The following FRMD4A variants were observed in gnomAD, a reference collection of about 807,000 sequenced individuals.
FRMD4A encodes FERM domain-containing protein 4A.
In FRMD4A, 29 loss-of-function variants were observed where a neutral mutation model predicts 129.1. That is an observed-to-expected ratio of 0.22 (90% CI 0.17 to 0.31). The LOEUF (loss-of-function observed/expected upper bound fraction) is 0.31. Among genes scored for constraint, FRMD4A ranks in the 10% least tolerant of loss-of-function variants. The probability of loss-of-function intolerance (pLI) is 1.00; values close to 1 mark genes in which losing one functional copy is unlikely to be tolerated. For missense variants in FRMD4A, 1,272 were observed against 1,375.8 expected, an observed-to-expected ratio of 0.92 and a Z score of 1.19; for synonymous variants, 634 against 571.6, an observed-to-expected ratio of 1.11 and a Z score of -1.56.
intron 2 of FRMD4A, among the ~76,000 whole-genome samples, chr10:14,033,751 C>T (rs1283518763): frequency 6.6e-6 from 1 of 151,048 alleles, no homozygotes; most frequent in Non-Finnish European, 1.5e-5. Flanking sequence ...TGTCATTGCC[C>T]TCCAGCCTGA....
intron 15 of FRMD4A, among the ~76,000 whole-genome samples, chr10:13,683,386 A>G (rs1250257830): frequency 1.3e-5 from 2 of 151,824 alleles, no homozygotes; most frequent in Non-Finnish European, 2.9e-5. Flanking sequence ...GGAGTTTGAG[A>G]CTATCCTGGG....
chr10:14,291,016 A>G (rs1191394384), intron 2 of FRMD4A, among the ~76,000 whole-genome samples: 3 of 152,148 alleles, frequency 2.0e-5, no homozygotes, highest in South Asian at 2.1e-4. Context: ...GAGAAATAAA[A>G]TGAAAAAACC....
chr10:13,791,493 A>G lies in FRMD4A; in HGVS notation c.299+5003T>C, dbSNP rs73595134. On this transcript the variant is annotated intron_variant, in intron 5 of 24. Transcript: ENST00000357447. The stretch of plus-strand genomic sequence containing the variant: ...AGAGAGAGAGAAAGTGTGAGCAGCA[A>G]AGGGAGGTGTGGTCCAGGGTCAGGA... 7.5e-3 allele frequency among the ~76,000 whole-genome samples: 1,142 copies of G among 151,996 alleles called. 16 individuals carry two copies. The highest frequency in any genetic ancestry group is 0.026 in the African/African-American group (1,083 of 41,454).
At chr10:13,710,645 G>A (rs1235595467) in intron 12 of FRMD4A, 1 of 152,286 alleles carries the variant, frequency 6.6e-6, no homozygotes, top group Non-Finnish European at 1.5e-5. Context: ...TGCAATCCTG[G>A]GAAGGAAGGG....
rs909357253 is a variant in FRMD4A, at chr10:13,892,582, A to AT, written c.46-33671dup. Among the ~76,000 whole-genome samples the AT allele has an allele frequency of 2.2e-4, 33 of 151,984 alleles. 1 individual carries two copies. The highest frequency in any genetic ancestry group is 5.2e-4 in the Admixed American group (8 of 15,266). ...AGGAGCTCAATTTGCTCTTAGACAC[A>AT]TTTTTTTTCATGAATTGTCAAAACA... On this transcript the variant is annotated intron_variant, in intron 2 of 24. Coordinates refer to ENST00000357447, the MANE Select transcript of FRMD4A (RefSeq NM_018027.5).
chr10:13,975,460 TTGTC>T (rs1356122646), intron 2 of FRMD4A, among the ~76,000 whole-genome samples: 1 of 151,818 alleles, frequency 6.6e-6, no homozygotes, highest in African/African-American at 2.4e-5. Flanking sequence ...GTGTGTCTGT[TTGTC>T]TATTATGTGT....
intron 2 of FRMD4A, among the ~76,000 whole-genome samples, chr10:14,156,136 C>T (rs1039608665): frequency 7.2e-5 from 11 of 152,272 alleles, no homozygotes; most frequent in Admixed American, 3.3e-4. Flanking sequence ...AATGTCCACT[C>T]ACAAGACAAC....
rs546293567 is a variant in FRMD4A at position 14,304,586 on chromosome 10, T to A, written c.45+25472A>T. ...TCGAGGAGGTGCCATTTCTCTCCTG[T>A]GGCCTGGGAGCACGCTGAGTCTGGC... On this transcript the variant is annotated intron_variant, in intron 2 of 24. Transcript: ENST00000357447. Among the ~76,000 whole-genome samples the A allele has an allele frequency of 4.6e-5, 7 of 152,334 alleles. No individual in the cohort carries two copies. The East Asian group carries it at 1.3e-3, about 29-fold the overall frequency.
chr10:14,129,549 C>T (rs139123825), intron 2 of FRMD4A, among the ~76,000 whole-genome samples: 1,676 of 151,794 alleles, frequency 0.011, 24 homozygotes, highest in African/African-American at 0.038. Flanking sequence ...GGAAAAAAAA[C>T]CTCCAGGTGG....
chr10:14,217,074 C>G (rs547443085), intron 2 of FRMD4A, among the ~76,000 whole-genome samples: 1 of 152,338 alleles, frequency 6.6e-6, no homozygotes, highest in East Asian at 1.9e-4. Context: ...TCAAGATCAC[C>G]TTCACTTCTC....
At chr10:13,732,207 T>C (rs1466988953) in intron 12 of FRMD4A, among the ~76,000 whole-genome samples, 4 of 152,078 alleles carry the variant, frequency 2.6e-5, no homozygotes, top group Non-Finnish European at 5.9e-5. Context: ...GAGGGCAGAC[T>C]CTGAAACTAG....
chr10:14,021,728 G>A (rs1832765324), intron 2 of FRMD4A, among the ~76,000 whole-genome samples: 1 of 152,142 alleles, frequency 6.6e-6, no homozygotes, highest in African/African-American at 2.4e-5. Context: ...TACACAGGGT[G>A]TTCATGTTGT....
chr10:13,684,476 C>T (rs1046629008), intron 15 of FRMD4A: 1 of 985,264 alleles, frequency 1.0e-6, no homozygotes, highest in African/African-American at 1.7e-5. Flanking sequence ...CCGGGGACAG[C>T]TGGGTGTGGA....
intron 2 of FRMD4A, among the ~76,000 whole-genome samples, chr10:14,025,721 T>C (rs1325733845): frequency 6.6e-6 from 1 of 152,194 alleles, no homozygotes; most frequent in Admixed American, 6.5e-5. Flanking sequence ...CCATCATCAT[T>C]CTACTTAGTG....
intron 2 of FRMD4A, among the ~76,000 whole-genome samples, chr10:13,934,270 T>A (rs2095229819): frequency 6.6e-6 from 1 of 152,206 alleles, no homozygotes; most frequent in African/African-American, 2.4e-5. Context: ...CAGGTTCTAG[T>A]GAGGTGTAGA....
chr10:13,811,945 C>T (rs956191293), intron 3 of FRMD4A, among the ~76,000 whole-genome samples: 4 of 143,362 alleles, frequency 2.8e-5, no homozygotes, highest in Non-Finnish European at 6.0e-5. Flanking sequence ...TGCAGTAGTG[C>T]GATCTTGGCT....
chr10:14,159,011 G>A (rs1296421596), intron 2 of FRMD4A, among the ~76,000 whole-genome samples: 1 of 152,170 alleles, frequency 6.6e-6, no homozygotes, highest in Non-Finnish European at 1.5e-5. Flanking sequence ...GTATATAAAG[G>A]CAAGTTGTTG....
intron 2 of FRMD4A, among the ~76,000 whole-genome samples, chr10:13,928,249 C>T (rs552074919): frequency 2.3e-4 from 35 of 152,102 alleles, no homozygotes; most frequent in South Asian, 2.3e-3. Flanking sequence ...CTCCAACTCC[C>T]GGGCTCAAGC....
intron 12 of FRMD4A, chr10:13,707,625 C>A: frequency 1.0e-6 from 1 of 988,556 alleles, no homozygotes. Flanking sequence ...AGCCTCCCAT[C>A]GGGACTCCAC....
Sources: gnomAD v4.1 joint callset for allele counts (sites outside exome capture counted in the v4.1 genomes callset) on GRCh38, gnomAD v4.1.1 for gene constraint, MANE v1.5 for transcripts, NCBI Gene and HGNC (gene_info 2026-07-23, HGNC 2026-07-21) for gene names.